Variants in COPA observed in about 807,000 individuals in gnomAD.
The protein encoded by COPA is coat protein complex I subunit alpha.
In COPA, 10 loss-of-function variants were observed where a neutral mutation model predicts 158.7. The observed-to-expected ratio is 0.06, with a 90% CI of 0.04 to 0.11. The LOEUF is 0.11. Ranked by LOEUF, COPA falls within the 10% of genes least tolerant of loss-of-function variation. The pLI is 1.00. For missense variants in COPA, 1,065 were observed against 1,536.7 expected, an observed-to-expected ratio of 0.69 and a Z score of 5.13; for synonymous variants, 462 against 542.8, an observed-to-expected ratio of 0.85 and a Z score of 2.07.
At chr1:160,341,283 C>T (rs992430717) in intron 1 of COPA, among the ~76,000 whole-genome samples, 1 of 152,132 alleles carries the variant, frequency 6.6e-6, no homozygotes, top group Non-Finnish European at 1.5e-5. Context: ...GTGGGGATCA[C>T]GTTATGATGT....
Position 160,314,014 on chromosome 1 carries a change from A to G in COPA, c.818T>C (p.Ile273Thr). ...CCGCTTAGACATATCCCAGACTCGA[A>G]TACTCTTGTCCTCAGAATTGCTGAG... ...LILSNSEDKSIRVWDMSKRTG... is the reference protein window; with the variant it reads ...LILSNSEDKSTRVWDMSKRTG... Residue 273 changes from isoleucine to threonine, a missense_variant, in exon 9 of 33, where the codon ATT becomes ACT. By Grantham distance (89) the Ile-to-Thr change is moderately conservative. Around this residue, in one of 2 missense-constraint regions of COPA, gnomAD observed 980 missense variants for 1,357.8 expected, o/e 0.72. Coordinates refer to ENST00000241704, the MANE Select transcript of COPA (RefSeq NM_004371.4). The G allele has an allele frequency of 6.2e-7, 1 of 1,613,740 alleles. No individual in the cohort carries two copies. Among genetic ancestry groups the G allele is most frequent in the Non-Finnish European group, 8.5e-7 (1 of 1,179,868 alleles).
At chr1:160,310,411 C>T (rs1658926143) in intron 11 of COPA, 153 bp from the exon 12 acceptor site, 2 of 446,376 alleles carry the variant, frequency 4.5e-6, no homozygotes, top group South Asian at 1.1e-4. Context: ...ATATTGTATT[C>T]TCTTCCTTTA....
intron 3 of COPA, 106 bp from the exon 4 acceptor site, chr1:160,335,428 A>C: frequency 1.3e-6 from 1 of 755,676 alleles, no homozygotes; most frequent in African/African-American, 1.8e-5. Flanking sequence ...ATAAATATAG[A>C]TTTATATACA....
Position 160,306,370 on chromosome 1 carries a change from CA to C in COPA, c.1425del (p.Phe475LeufsTer12), listed in dbSNP as rs1238876076. 6.2e-7 allele frequency: 1 copy of C among 1,609,300 alleles called. No individual in the cohort carries two copies. Among genetic ancestry groups the C allele is most frequent in the Admixed American group, 1.7e-5 (1 of 59,572 alleles). ...LLRDADSITL[F>X]DVQQKRTLAS... ...ATATGTTACCGCTTCTGCTGTACGTCAAAGAGTGTGATAGAGTCCGCATCTC... is the reference window on the plus strand; with the variant it reads ...ATATGTTACCGCTTCTGCTGTACGTCAAGAGTGTGATAGAGTCCGCATCTC... On this transcript the variant is annotated frameshift_variant, in exon 15 of 33. Transcript: ENST00000241704. LOFTEE classifies it high-confidence loss of function.
Position 160,311,918 on chromosome 1 carries a change from T to C in COPA, c.1026A>G (p.Arg342=). The C allele has an allele frequency of 6.2e-7, 1 of 1,614,090 alleles. No individual in the cohort carries two copies. The highest frequency in any genetic ancestry group is 8.5e-7 in the Non-Finnish European group (1 of 1,179,980). The change falls in exon 11 of 33, where the codon CGA becomes CGG. Residue 342 remains arginine, a synonymous_variant. Transcript: ENST00000241704. The stretch of plus-strand genomic sequence containing the variant: ...CTTTGGAGCTGTTGAAATCCAGCTG[T>C]CGTAAGAATCGGTCCTTGACATAGT... The part of the protein sequence containing the change: ...MLHYVKDRFL[R]QLDFNSSKDV...
intron 15 of COPA, chr1:160,306,027 G>T: frequency 1.7e-6 from 1 of 574,434 alleles, no homozygotes; most frequent in Non-Finnish European, 3.1e-6. Flanking sequence ...GTGTATGTCT[G>T]TTTTCACCAC....
rs1431254362 is a variant in COPA, at chr1:160,305,553, C to T, written c.1547G>A (p.Arg516His). 3.7e-6 allele frequency: 6 copies of T among 1,613,942 alleles called. No homozygotes were observed. Among genetic ancestry groups the T allele is most frequent in the East Asian group, 2.2e-5 (1 of 44,886 alleles). ...AATGTTACATAAAGCATCCAGTTTG[C>T]GGTTACAGATCACAATGGCTGTAAG... ...LAKHAIVICN[R>H]KLDALCNIHE... Residue 516 changes from arginine to histidine, a missense_variant, in exon 17 of 33, where the codon CGC (arginine) becomes CAC (histidine). Arg to His is a conservative substitution (Grantham distance 29, BLOSUM62 0). Transcript: ENST00000241704.
intron 6 of COPA, among the ~76,000 whole-genome samples, chr1:160,331,612 A>C (rs1647521049): frequency 6.8e-6 from 1 of 146,594 alleles, no homozygotes; most frequent in South Asian, 2.2e-4. Context: ...GCGCCACTGC[A>C]TTTCAGCATG....
At chr1:160,302,207 G>T (rs1268232148) in intron 17 of COPA, among the ~76,000 whole-genome samples, 2 of 151,982 alleles carry the variant, frequency 1.3e-5, no homozygotes, top group Non-Finnish European at 1.5e-5. Context: ...TGATTTTATT[G>T]TATTTAAATT....
chr1:160,302,549 C>CTTT lies in COPA; in HGVS notation c.1667+2881_1667+2883dup, dbSNP rs35112618. ...TTTTTGTGTGGAATTTCACAAGTTA[C>CTTT]TTTTTTTTTTTTTTTTTTTTTTTGA... On this transcript the variant is annotated intron_variant, in intron 17 of 32. Coordinates refer to ENST00000241704, the MANE Select transcript of COPA (RefSeq NM_004371.4). Among the ~76,000 whole-genome samples, 59 of 91,648 alleles carry CTTT rather than the reference C, an allele frequency of 6.4e-4. 1 individual carries two copies. The highest frequency in any genetic ancestry group is 1.2e-3 in the African/African-American group (28 of 23,516). The allele number at this position is 91,648 out of a possible 152,430, so 60.1% of individuals were successfully genotyped here.
chr1:160,295,123 G>A (rs1658358346), intron 23 of COPA, among the ~76,000 whole-genome samples: 2 of 152,314 alleles, frequency 1.3e-5, no homozygotes, highest in African/African-American at 4.8e-5. Flanking sequence ...GTACTTACCA[G>A]CCTTTGGCTA....
intron 5 of COPA, among the ~76,000 whole-genome samples, chr1:160,333,216 G>A (rs1023896688): frequency 1.5e-4 from 23 of 152,200 alleles, no homozygotes; most frequent in African/African-American, 5.1e-4. Context: ...GAGCCATGGC[G>A]CCGGGCCAAG....
chr1:160,335,351 G>A (rs1647707650), intron 3 of COPA, 29 bp from the exon 4 acceptor site: 1 of 1,589,204 alleles, frequency 6.3e-7, no homozygotes, highest in Admixed American at 1.7e-5. Context: ...CTAAGAAACA[G>A]AAATAGTTAT....
rs1218014276 is a variant in COPA, at chr1:160,343,171, C to T, written c.-1G>A. 6.2e-7 allele frequency: 1 copy of T among 1,614,198 alleles called. No homozygotes were observed. Among genetic ancestry groups the T allele is most frequent in the Non-Finnish European group, 8.5e-7 (1 of 1,180,046 alleles). On this transcript the variant is annotated 5_prime_UTR_variant, in exon 1 of 33. Transcript: ENST00000241704. ...TCTTGGTCTCGAATTTGGTTAACAT[C>T]TCTCAGGTCTCCGACTCCGATGTCT...
Position 160,342,444 on chromosome 1 carries a change from C to A in COPA, c.40+687G>T, listed in dbSNP as rs954710066. Among the ~76,000 whole-genome samples, 7 of 152,288 alleles carry A rather than the reference C, an allele frequency of 4.6e-5. No homozygotes were observed. The East Asian group carries it at 1.3e-3, about 29-fold the overall frequency. On this transcript the variant is annotated intron_variant, in intron 1 of 32. Transcript: ENST00000241704. ...AACGACCCACACTCGAGCTCTAGAG[C>A]TGCCGTACTTAGCAAATAAAAATAC...
intron 12 of COPA, among the ~76,000 whole-genome samples, chr1:160,309,711 C>T (rs1159424763): frequency 2.0e-5 from 3 of 150,222 alleles, no homozygotes; most frequent in African/African-American, 7.3e-5. Flanking sequence ...TTTAACTTGG[C>T]CACGAGGGCA....
rs750496001 is a variant in COPA, at chr1:160,299,247, C to T, written c.1685G>A (p.Arg562Gln). The change falls in exon 18 of 33, where the codon CGA (arginine) becomes CAA (glutamine). Residue 562 changes from arginine to glutamine, a missense_variant. Coordinates refer to ENST00000241704, the MANE Select transcript of COPA (RefSeq NM_004371.4). The part of the protein sequence containing the change: ...AVTTGDHGII[R>Q]TLDLPIYVTR... The stretch of plus-strand genomic sequence containing the variant: ...GACATAGATGGGTAAATCCAGAGTT[C>T]GAATGATCCCGTGGTCCCTAAGAAC... The T allele has an allele frequency of 8.1e-6, 13 of 1,612,592 alleles. No individual in the cohort carries two copies. Among genetic ancestry groups the T allele is most frequent in the Admixed American group, 1.7e-5 (1 of 59,958 alleles).
At chr1:160,341,073 T>C (rs1648019910) in intron 1 of COPA, among the ~76,000 whole-genome samples, 1 of 152,272 alleles carries the variant, frequency 6.6e-6, no homozygotes, top group African/African-American at 2.4e-5. Flanking sequence ...GCCCAACATC[T>C]GTGAGCAATG....
At chr1:160,290,840 T>C (rs1658206341) in intron 31 of COPA, among the ~76,000 whole-genome samples, 154 bp from the exon 32 acceptor site, 1 of 152,150 alleles carries the variant, frequency 6.6e-6, no homozygotes, top group Non-Finnish European at 1.5e-5. Flanking sequence ...ATGTGAAGGG[T>C]TAACAATCAC....
Sources: gnomAD v4.1 joint callset for allele counts (sites outside exome capture counted in the v4.1 genomes callset) on GRCh38, gnomAD v4.1.1 for gene constraint, gnomAD v4.1.1 regional missense constraint, MANE v1.5 for transcripts, NCBI Gene and HGNC (gene_info 2026-07-23, HGNC 2026-07-21) for gene names.